Variants in ITPR1 observed in about 807,000 individuals in gnomAD.
ITPR1 encodes the protein inositol 1,4,5-trisphosphate receptor type 1.
In ITPR1, 96 loss-of-function variants were observed where a neutral mutation model predicts 318.4. That is an observed-to-expected ratio of 0.30 (90% CI 0.26 to 0.36). The LOEUF is 0.36. Ranked by LOEUF, ITPR1 falls within the 10% of genes least tolerant of loss-of-function variation. The pLI is 1.00. For synonymous variants in ITPR1, 1,312 were observed against 1,289.9 expected (o/e 1.02, Z -0.37); for missense variants, 2,440 against 3,460.2 (o/e 0.71, Z 7.40).
chr3:4,749,503 C>G (rs2044343750), intron 44 of ITPR1: 2 of 152,158 alleles, frequency 1.3e-5, no homozygotes, highest in African/African-American at 4.8e-5. Context: ...TAAGTGGGGC[C>G]TCCATATACA....
intron 13 of ITPR1, 68 bp from the exon 14 acceptor site, chr3:4,660,920 C>A: frequency 1.4e-6 from 1 of 730,522 alleles, no homozygotes; most frequent in Non-Finnish European, 2.2e-6. Context: ...AGATTATATT[C>A]TAGACTAGGG....
At chr3:4,829,969 T>TG (rs1559971521) in intron 60 of ITPR1, among the ~76,000 whole-genome samples, 8 of 106,900 alleles carry the variant, frequency 7.5e-5, no homozygotes, top group East Asian at 2.9e-4. Context: ...TTTTTTTTTT[T>TG]TTTTTTTTTT....
chr3:4,524,267 G>T (rs1318980076), intron 4 of ITPR1, among the ~76,000 whole-genome samples: 2 of 135,152 alleles, frequency 1.5e-5, no homozygotes, highest in Admixed American at 1.6e-4. Context: ...ATTTTCCAAA[G>T]CATTCCTTCA....
At chr3:4,494,866 T>G (rs936128773) in intron 2 of ITPR1, among the ~76,000 whole-genome samples, 3 of 152,278 alleles carry the variant, frequency 2.0e-5, no homozygotes, top group African/African-American at 7.2e-5. Flanking sequence ...GTAAGCAGTA[T>G]TAACTGCCTC....
intron 31 of ITPR1, among the ~76,000 whole-genome samples, chr3:4,689,599 C>T (rs2094449356): frequency 6.6e-6 from 1 of 152,190 alleles, no homozygotes; most frequent in African/African-American, 2.4e-5. Context: ...ATGAGGGATA[C>T]TCAACCTGTG....
Position 4,768,618 on chromosome 3 carries a change from G to A in ITPR1, c.5833G>A (p.Asp1945Asn), listed in dbSNP as rs769329383. Residue 1945 changes from aspartate to asparagine, a missense_variant, in exon 46 of 62, where the codon GAC becomes AAC. Coordinates refer to ENST00000649015, the MANE Select transcript of ITPR1 (RefSeq NM_001378452.1). ...FTTFRREADP[D>N]DHYQPGEGTQ... ...CACTTTCAGGAGGGAGGCTGATCCCGACGACCACTACCAGCCTGGAGAGGG... is the reference window on the plus strand; with the variant it reads ...CACTTTCAGGAGGGAGGCTGATCCCAACGACCACTACCAGCCTGGAGAGGG... The A allele has an allele frequency of 6.8e-6, 11 of 1,613,994 alleles. No individual in the cohort carries two copies. Among genetic ancestry groups the A allele is most frequent in the South Asian group, 1.1e-5 (1 of 91,078 alleles).
At position 4,671,059 on chromosome 3, in the gene ITPR1, G is replaced by A. The variant is rs1308626637; in HGVS notation, c.2204+133G>A. The A allele has an allele frequency of 7.6e-6, 5 of 659,914 alleles. No individual in the cohort carries two copies. In the East Asian group the frequency reaches 1.2e-4, roughly 15 times the overall value. 40.9% of individuals were successfully genotyped at this position (659,914 alleles called of 1,614,324 possible). A position where few individuals can be genotyped will look rare whatever the true frequency, so the allele number is the denominator to read the frequency against. On this transcript the variant is annotated intron_variant, in intron 20 of 61. Transcript: ENST00000649015. The stretch of plus-strand genomic sequence containing the variant: ...TGTAAGATTGTCTAGAAAAAAGCCA[G>A]ATGTGTGTTTTAGGAGTTTGGAGTG...
chr3:4,844,898 T>A (rs1291191064), intron 61 of ITPR1, among the ~76,000 whole-genome samples: 1 of 152,184 alleles, frequency 6.6e-6, no homozygotes, highest in African/African-American at 2.4e-5. Flanking sequence ...GAAGAAAAAA[T>A]AACCACATTG....
At chr3:4,630,066 G>T (rs1049591454) in intron 5 of ITPR1, among the ~76,000 whole-genome samples, 1 of 152,106 alleles carries the variant, frequency 6.6e-6, no homozygotes, top group African/African-American at 2.4e-5. Context: ...ATAAATAATA[G>T]ATACCAATTT....
In ITPR1 at chr3:4,559,035, T is replaced by G. The variant is rs139696128; in HGVS notation, c.163+37941T>G. 6.6e-5 allele frequency among the ~76,000 whole-genome samples: 10 copies of G among 152,248 alleles called. No individual in the cohort carries two copies. In the East Asian group the frequency reaches 1.3e-3, roughly 21 times the overall value. On this transcript the variant is annotated intron_variant, in intron 4 of 61. Transcript: ENST00000649015. ...CTTTTTAATTTTATTAGTAGTAGTA[T>G]TATTTAGAGATGGGGTCTTGCTATG...
chr3:4,759,053 G>A lies in ITPR1; in HGVS notation c.5545-7477G>A, dbSNP rs558452728. Among the ~76,000 whole-genome samples, 3 of 152,218 alleles carry A rather than the reference G, an allele frequency of 2.0e-5. No homozygotes were observed. The South Asian group carries it at 6.2e-4, about 32-fold the overall frequency. ...GATCCAGAAAGGAGGTGGGTGTTATGTAAATGGCCAAAGACTGGTGTCCAA... is the reference window on the plus strand; with the variant it reads ...GATCCAGAAAGGAGGTGGGTGTTATATAAATGGCCAAAGACTGGTGTCCAA... On this transcript the variant is annotated intron_variant, in intron 44 of 61. Transcript: ENST00000649015.
At chr3:4,726,000 A>G (rs2042487602) in intron 41 of ITPR1, among the ~76,000 whole-genome samples, 2 of 152,198 alleles carry the variant, frequency 1.3e-5, no homozygotes, top group Non-Finnish European at 2.9e-5. Context: ...AAAAGCTACT[A>G]ATAAACTTGT....
chr3:4,736,118 C>A (rs1246242508), intron 44 of ITPR1, among the ~76,000 whole-genome samples: 1 of 148,982 alleles, frequency 6.7e-6, no homozygotes, highest in African/African-American at 2.4e-5. Context: ...TGCACTCTTC[C>A]TTCTTTGTTA....
intron 55 of ITPR1, among the ~76,000 whole-genome samples, chr3:4,810,023 C>T (rs1272449894): frequency 6.6e-6 from 1 of 152,140 alleles, no homozygotes. Context: ...AGCCAATCGA[C>T]CGGAAAATGA....
intron 41 of ITPR1, 60 bp from the exon 42 acceptor site, chr3:4,727,066 C>T: frequency 2.4e-6 from 3 of 1,251,728 alleles, no homozygotes; most frequent in Non-Finnish European, 3.5e-6. Flanking sequence ...GTGACTGATG[C>T]TGCAGATGGT....
chr3:4,650,605 T>TTGTGTGTGTGTGTGTGTG (rs752768399), intron 10 of ITPR1, among the ~76,000 whole-genome samples: 8 of 133,204 alleles, frequency 6.0e-5, no homozygotes, highest in Non-Finnish European at 1.1e-4. Context: ...TGATATGCCT[T>TTGTGTGTGTGTGTGTGTG]AGTGTGTGTG....
intron 59 of ITPR1, chr3:4,817,390 T>A (rs2049373328): frequency 6.6e-6 from 1 of 152,220 alleles, no homozygotes; most frequent in Non-Finnish European, 1.5e-5. Context: ...TCTGCACACA[T>A]CTGTGTATAT....
At chr3:4,769,585 T>C (rs1478384887) in intron 46 of ITPR1, among the ~76,000 whole-genome samples, 1 of 152,208 alleles carries the variant, frequency 6.6e-6, no homozygotes, top group Admixed American at 6.5e-5. Context: ...TTTGTTCATT[T>C]TGTTGTTTTT....
At chr3:4,542,240 C>A (rs2084525275) in intron 4 of ITPR1, among the ~76,000 whole-genome samples, 1 of 152,118 alleles carries the variant, frequency 6.6e-6, no homozygotes, top group Admixed American at 6.5e-5. Context: ...ATTCTATTTT[C>A]TACATTGGCT....
Sources: allele counts gnomAD v4.1 joint callset (sites outside exome capture counted in the v4.1 genomes callset), GRCh38; gene constraint gnomAD v4.1.1; transcripts MANE v1.5; gene names NCBI Gene and HGNC (gene_info 2026-07-23, HGNC 2026-07-21).